Variants in TPST2 observed in about 807,000 individuals in gnomAD.
TPST2 encodes protein-tyrosine sulfotransferase 2.
Under a neutral mutation model 27.8 loss-of-function variants are expected in TPST2, and 16 were observed. The observed-to-expected ratio is 0.58, with a 90% CI of 0.39 to 0.88. The LOEUF (loss-of-function observed/expected upper bound fraction) is 0.88. TPST2 is among the 40% of genes least tolerant of loss of function. TPST2 has a pLI of 0.00. For synonymous variants in TPST2, 229 were observed against 231.7 expected (o/e 0.99, Z 0.10); for missense variants, 464 against 543.1 (o/e 0.85, Z 1.45).
Position 26,540,801 on chromosome 22 carries a change from A to T in TPST2, c.830T>A (p.Val277Asp). ...HEDLIGKPGG[V>D]SLSKIERSTD... ...GGGCTCCACTCACTTGGACAGGGAGACACCACCGGGCTTGCCAATGAGGTC... is the reference window on the plus strand; with the variant it reads ...GGGCTCCACTCACTTGGACAGGGAGTCACCACCGGGCTTGCCAATGAGGTC... Residue 277 changes from valine to aspartate, a missense_variant, in exon 3 of 7, where the codon GTC becomes GAC. Physicochemically the swap from Val to Asp is radical, Grantham distance 152. Transcript: ENST00000338754. The T allele has an allele frequency of 6.3e-7, 1 of 1,589,852 alleles. No homozygotes were observed. Among genetic ancestry groups the T allele is most frequent in the Non-Finnish European group, 8.6e-7 (1 of 1,164,686 alleles).
At chr22:26,531,105 G>A (rs537571642) in intron 5 of TPST2, among the ~76,000 whole-genome samples, 1 of 152,214 alleles carries the variant, frequency 6.6e-6, no homozygotes, top group Non-Finnish European at 1.5e-5. Context: ...CCTGGGACTG[G>A]TTTTTGTTGC....
intron 1 of TPST2, among the ~76,000 whole-genome samples, chr22:26,574,035 T>C (rs888039910): frequency 2.0e-5 from 3 of 152,050 alleles, no homozygotes; most frequent in Non-Finnish European, 4.4e-5. Flanking sequence ...TGGTTCACTG[T>C]TTTGGGGGAC....
rs145832717 is a variant in TPST2 at position 26,537,834 on chromosome 22, G to T, written c.843-1348C>A. Reference sequence around the variant, plus strand: ...CTCTCTCTCACACACACACACAAACGCGCGTCTGCAGCTGTAAAACAAATA... The same window carrying T: ...CTCTCTCTCACACACACACACAAACTCGCGTCTGCAGCTGTAAAACAAATA... On this transcript the variant is annotated intron_variant, in intron 3 of 6. Transcript: ENST00000338754. Among the ~76,000 whole-genome samples, 5 of 152,118 alleles carry T rather than the reference G, an allele frequency of 3.3e-5. No individual in the cohort carries two copies. The East Asian group carries it at 9.6e-4, about 29-fold the overall frequency.
At chr22:26,533,621 A>C (rs1264573011) in intron 4 of TPST2, among the ~76,000 whole-genome samples, 1 of 152,180 alleles carries the variant, frequency 6.6e-6, no homozygotes, top group Non-Finnish European at 1.5e-5. Context: ...AAATAAAATG[A>C]AACAAGGGAG....
chr22:26,526,454 A>G (rs1391184083), intron 6 of TPST2, among the ~76,000 whole-genome samples, 187 bp from the exon 7 acceptor site: 1 of 152,224 alleles, frequency 6.6e-6, no homozygotes, highest in African/African-American at 2.4e-5. Context: ...TCTTCCCCAC[A>G]TCTCATCTTG....
chr22:26,560,396 T>G, intron 1 of TPST2: 1 of 605,088 alleles, frequency 1.7e-6, no homozygotes, highest in Non-Finnish European at 2.9e-6. Flanking sequence ...CAGTGCCATA[T>G]GACTTTTGTA....
At chr22:26,585,330 G>A (rs1928301565) in intron 1 of TPST2, among the ~76,000 whole-genome samples, 1 of 110,240 alleles carries the variant, frequency 9.1e-6, no homozygotes, top group South Asian at 3.4e-4. Flanking sequence ...AGCCCCAGAC[G>A]TTCCCTAGGG....
intron 1 of TPST2, among the ~76,000 whole-genome samples, chr22:26,578,716 C>T (rs1374113437): frequency 6.6e-6 from 1 of 152,114 alleles, no homozygotes; most frequent in Non-Finnish European, 1.5e-5. Flanking sequence ...TGCACTGTTC[C>T]CAGTTTCTGA....
At chr22:26,560,593 G>T in intron 1 of TPST2, 5 of 1,059,272 alleles carry the variant, frequency 4.7e-6, no homozygotes, top group South Asian at 3.7e-5. Context: ...GGGCAAACTT[G>T]TCGGGAGGCG....
intron 1 of TPST2, among the ~76,000 whole-genome samples, chr22:26,566,027 TAA>T (rs1447084341): frequency 2.0e-5 from 3 of 152,220 alleles, no homozygotes; most frequent in African/African-American, 7.2e-5. Flanking sequence ...TTAAAATAGA[TAA>T]AGACTTGAAA....
intron 1 of TPST2, among the ~76,000 whole-genome samples, chr22:26,558,664 A>G (rs1381328664): frequency 2.0e-5 from 3 of 152,164 alleles, no homozygotes; most frequent in Admixed American, 2.0e-4. Flanking sequence ...AGGAAGGGAC[A>G]GAGTGGTGGG....
intron 5 of TPST2, among the ~76,000 whole-genome samples, chr22:26,529,276 G>A (rs953492074): frequency 1.3e-5 from 2 of 152,156 alleles, no homozygotes; most frequent in African/African-American, 4.8e-5. Context: ...ACAGACGTGT[G>A]CCACCACGAA....
intron 1 of TPST2, among the ~76,000 whole-genome samples, chr22:26,552,786 G>A (rs1926551880): frequency 1.3e-5 from 2 of 152,258 alleles, no homozygotes; most frequent in South Asian, 4.1e-4. Context: ...TCAGCCAGGA[G>A]CAGTGGTTCA....
At chr22:26,561,078 A>G (rs1927062843) in intron 1 of TPST2, 1 of 1,602,362 alleles carries the variant, frequency 6.2e-7, no homozygotes, top group Non-Finnish European at 8.5e-7. Flanking sequence ...CAAGAAAAAG[A>G]AGGAAGAGGA....
intron 1 of TPST2, among the ~76,000 whole-genome samples, chr22:26,545,055 T>C (rs1326607940): frequency 6.6e-6 from 1 of 152,116 alleles, no homozygotes; most frequent in East Asian, 1.9e-4. Flanking sequence ...TACACACCAC[T>C]ATTGCCACCT....
intron 1 of TPST2, among the ~76,000 whole-genome samples, chr22:26,557,956 A>G (rs1002800066): frequency 4.6e-5 from 7 of 151,014 alleles, no homozygotes; most frequent in South Asian, 2.1e-4. Flanking sequence ...CTGAGGCCAG[A>G]GGATCACTTG....
At chr22:26,530,698 A>G (rs1555927423) in intron 5 of TPST2, among the ~76,000 whole-genome samples, 2 of 150,850 alleles carry the variant, frequency 1.3e-5, no homozygotes, top group South Asian at 4.3e-4. Flanking sequence ...CTTGAACAAC[A>G]AGGCTAAAAG....
intron 1 of TPST2, among the ~76,000 whole-genome samples, chr22:26,568,573 G>C (rs2147227954): frequency 6.6e-6 from 1 of 152,294 alleles, no homozygotes; most frequent in East Asian, 1.9e-4. Context: ...GCTCATTATA[G>C]GCCAATTATA....
chr22:26,577,354 T>TTC (rs1397836857), intron 1 of TPST2, among the ~76,000 whole-genome samples: 1 of 151,438 alleles, frequency 6.6e-6, no homozygotes, highest in East Asian at 1.9e-4. Flanking sequence ...ATTTGCTCTT[T>TTC]TTTTTTTTGA....
Sources: allele counts gnomAD v4.1 joint callset (sites outside exome capture counted in the v4.1 genomes callset), GRCh38; gene constraint gnomAD v4.1.1; transcripts MANE v1.5; gene names NCBI Gene and HGNC (gene_info 2026-07-23, HGNC 2026-07-21).